Variants in CHRM5 observed in about 807,000 individuals in gnomAD.
The protein encoded by CHRM5 is cholinergic receptor muscarinic 5.
A neutral mutation model predicts 39.0 loss-of-function variants in CHRM5; 18 were observed. The ratio of observed to expected loss-of-function variants is 0.46; its 90% CI spans 0.32 to 0.68. The LOEUF (loss-of-function observed/expected upper bound fraction) is 0.68, where lower values mean the gene tolerates loss of function less well. CHRM5 is among the 30% of genes least tolerant of loss of function. The pLI, the probability that CHRM5 is intolerant of heterozygous loss-of-function variation, is 0.04. For synonymous variants in CHRM5, 241 were observed against 246.3 expected, an observed-to-expected ratio of 0.98 and a Z score of 0.20; for missense variants, 515 against 651.1, an observed-to-expected ratio of 0.79 and a Z score of 2.28.
In CHRM5 at chr15:33,992,452, G is replaced by C. The variant is rs556909378; in HGVS notation, c.-408+23302G>C. On this transcript the variant is annotated intron_variant, in intron 1 of 2. Coordinates refer to ENST00000383263, the MANE Select transcript of CHRM5 (RefSeq NM_012125.4). Reference sequence around the variant, plus strand: ...ATTCAATATTCAGCTACAAGGAAAAGTTTTTTTGTTATCGGAGTTTTCCTT... The same window carrying C: ...ATTCAATATTCAGCTACAAGGAAAACTTTTTTTGTTATCGGAGTTTTCCTT... Among the ~76,000 whole-genome samples the C allele has an allele frequency of 2.6e-5, 4 of 152,104 alleles. No individual in the cohort carries two copies. The South Asian group carries it at 8.3e-4, about 32-fold the overall frequency.
intron 1 of CHRM5, among the ~76,000 whole-genome samples, chr15:34,034,087 A>T (rs1898994659): frequency 1.3e-5 from 2 of 152,094 alleles, no homozygotes. Context: ...GCCCAGCCTA[A>T]ATAATTTATT....
chr15:34,005,372 C>A (rs1036051232), intron 1 of CHRM5, among the ~76,000 whole-genome samples: 1 of 152,124 alleles, frequency 6.6e-6, no homozygotes, highest in Non-Finnish European at 1.5e-5. Context: ...ATTTTTACGA[C>A]CCTGACTTAT....
chr15:34,047,377 GAGACCT>G (rs1442183967), intron 2 of CHRM5, among the ~76,000 whole-genome samples: 1 of 151,964 alleles, frequency 6.6e-6, no homozygotes, highest in Non-Finnish European at 1.5e-5. Context: ...GTGCCCGGCG[GAGACCT>G]AGCAGTTTTA....
intron 1 of CHRM5, chr15:34,007,166 A>G (rs1897393537): frequency 2.1e-5 from 9 of 431,514 alleles, no homozygotes; most frequent in Non-Finnish European, 2.8e-5. Context: ...CCAATGACAC[A>G]CACACACAAA....
At chr15:34,060,516 G>A (rs1900298364) in intron 2 of CHRM5, among the ~76,000 whole-genome samples, 1 of 152,150 alleles carries the variant, frequency 6.6e-6, no homozygotes, top group Admixed American at 6.5e-5. Context: ...TGTCAAGACT[G>A]GCCATAGGCA....
At chr15:34,023,640 T>C (rs1898308939) in intron 1 of CHRM5, among the ~76,000 whole-genome samples, 1 of 152,208 alleles carries the variant, frequency 6.6e-6, no homozygotes, top group South Asian at 2.1e-4. Context: ...CTCTGACCTC[T>C]GGAACACTGT....
intron 1 of CHRM5, among the ~76,000 whole-genome samples, chr15:34,044,979 C>T (rs1899632359): frequency 6.6e-6 from 1 of 152,030 alleles, no homozygotes; most frequent in East Asian, 1.9e-4. Flanking sequence ...ACCTGGGAGG[C>T]GGAGCTTGCA....
At chr15:33,981,148 G>C (rs1019261253) in intron 1 of CHRM5, among the ~76,000 whole-genome samples, 4 of 152,116 alleles carry the variant, frequency 2.6e-5, no homozygotes, top group African/African-American at 9.7e-5. Flanking sequence ...GAAAATATCT[G>C]AATTAAGAAA....
At chr15:33,992,898 T>G (rs1896788938) in intron 1 of CHRM5, among the ~76,000 whole-genome samples, 1 of 152,202 alleles carries the variant, frequency 6.6e-6, no homozygotes, top group South Asian at 2.1e-4. Flanking sequence ...GAAGAAAATA[T>G]ATAATAGTTT....
intron 2 of CHRM5, among the ~76,000 whole-genome samples, chr15:34,055,479 T>G (rs2140834953): frequency 6.6e-6 from 1 of 151,660 alleles, no homozygotes; most frequent in East Asian, 1.9e-4. Context: ...CATTCCAGCC[T>G]GGGCAACAGA....
intron 2 of CHRM5, among the ~76,000 whole-genome samples, chr15:34,061,809 G>A (rs1054352856): frequency 6.6e-6 from 1 of 152,188 alleles, no homozygotes; most frequent in Non-Finnish European, 1.5e-5. Flanking sequence ...TGCACTTGGA[G>A]TTTGTGCATT....
chr15:34,033,505 C>CAA (rs768807611), intron 1 of CHRM5, among the ~76,000 whole-genome samples: 11 of 96,526 alleles, frequency 1.1e-4, no homozygotes, highest in Non-Finnish European at 1.5e-4. Context: ...GGCTCCGTCT[C>CAA]AAAAAAAAAA....
At chr15:34,055,670 G>A (rs938504277) in intron 2 of CHRM5, among the ~76,000 whole-genome samples, 5 of 151,138 alleles carry the variant, frequency 3.3e-5, no homozygotes, top group Admixed American at 6.6e-5. Flanking sequence ...GCATGGTGGC[G>A]GGTGCCTGTA....
chr15:34,039,033 C>A lies in CHRM5; in HGVS notation c.-407-7507C>A, dbSNP rs1159700972. 1.3e-4 allele frequency: 141 copies of A among 1,118,982 alleles called. No individual in the cohort carries two copies. The highest frequency in any genetic ancestry group is 3.9e-4 in the East Asian group (7 of 18,046). 69.3% of individuals were successfully genotyped at this position (1,118,982 alleles called of 1,614,324 possible). On this transcript the variant is annotated intron_variant, in intron 1 of 2. Coordinates refer to ENST00000383263, the MANE Select transcript of CHRM5 (RefSeq NM_012125.4). ...CCGCCCACGGCCTCCCCGAGCTCCTCGCTCCGCCTGCATCTGGCCGCCGCT... is the reference window on the plus strand; with the variant it reads ...CCGCCCACGGCCTCCCCGAGCTCCTAGCTCCGCCTGCATCTGGCCGCCGCT...
intron 1 of CHRM5, among the ~76,000 whole-genome samples, chr15:34,016,989 G>A (rs1897943737): frequency 7.0e-6 from 1 of 141,936 alleles, no homozygotes; most frequent in South Asian, 2.4e-4. Context: ...AAATTAGCCA[G>A]GCATGGTGGC....
chr15:34,045,584 C>G (rs1202489753), intron 1 of CHRM5, among the ~76,000 whole-genome samples: 1 of 152,064 alleles, frequency 6.6e-6, no homozygotes, highest in Non-Finnish European at 1.5e-5. Context: ...ACAATATGAG[C>G]TGGTTATCAT....
At chr15:34,060,353 G>C (rs1001381694) in intron 2 of CHRM5, among the ~76,000 whole-genome samples, 1 of 152,122 alleles carries the variant, frequency 6.6e-6, no homozygotes, top group Non-Finnish European at 1.5e-5. Context: ...TCTGGTTTCC[G>C]GTGCAAGACA....
chr15:33,972,230 G>A (rs1226119228), intron 1 of CHRM5: 1 of 151,938 alleles, frequency 6.6e-6, no homozygotes, highest in Non-Finnish European at 1.5e-5. Context: ...CAGTAAGCAA[G>A]CAGACAGTCA....
intron 2 of CHRM5, among the ~76,000 whole-genome samples, chr15:34,053,103 G>A (rs578157646): frequency 4.6e-5 from 7 of 151,480 alleles, no homozygotes; most frequent in South Asian, 2.1e-4. Flanking sequence ...AATTTGAGAC[G>A]AGCCTAGCCA....
Sources: allele counts gnomAD v4.1 joint callset (sites outside exome capture counted in the v4.1 genomes callset), GRCh38; gene constraint gnomAD v4.1.1; transcripts MANE v1.5; gene names NCBI Gene and HGNC (gene_info 2026-07-23, HGNC 2026-07-21).